Variants in PSTPIP2 observed in about 807,000 individuals in gnomAD.
PSTPIP2 encodes the protein proline-serine-threonine phosphatase interacting protein 2.
A neutral mutation model predicts 63.3 loss-of-function variants in PSTPIP2; 33 were observed. That is an observed-to-expected ratio of 0.52 (90% confidence interval 0.40 to 0.70). The LOEUF is 0.70. PSTPIP2 is among the 30% of genes least tolerant of loss of function. The pLI is 0.00. For missense variants in PSTPIP2, 312 were observed against 400.7 expected (o/e 0.78, Z 1.89); for synonymous variants, 125 against 132.7 (o/e 0.94, Z 0.40).
Position 46,047,972 on chromosome 18 carries a change from G to A in PSTPIP2, c.34-7925C>T, listed in dbSNP as rs185309807. ...AACCTAGAAAATAACACTATGCTAGGCTAAATAAGAGCCCCTAAAGATGTC... is the reference window on the plus strand; with the variant it reads ...AACCTAGAAAATAACACTATGCTAGACTAAATAAGAGCCCCTAAAGATGTC... On this transcript the variant is annotated intron_variant, in intron 1 of 14. Coordinates refer to ENST00000409746, the MANE Select transcript of PSTPIP2 (RefSeq NM_024430.4). 6.6e-5 allele frequency among the ~76,000 whole-genome samples: 10 copies of A among 152,280 alleles called. No homozygotes were observed. In the East Asian group the frequency reaches 1.3e-3, roughly 21 times the overall value.
At chr18:46,055,997 C>T (rs1908742854) in intron 1 of PSTPIP2, among the ~76,000 whole-genome samples, 1 of 152,202 alleles carries the variant, frequency 6.6e-6, no homozygotes, top group Non-Finnish European at 1.5e-5. Context: ...AAGTACCTAA[C>T]TGAACTGCAG....
At chr18:46,016,225 T>C in intron 3 of PSTPIP2, 1 of 348,084 alleles carries the variant, frequency 2.9e-6, no homozygotes, top group Non-Finnish European at 5.4e-6. Context: ...CCTTTTCTCA[T>C]AAGAATACCA....
intron 14 of PSTPIP2, among the ~76,000 whole-genome samples, chr18:45,987,397 T>C (rs561347761): frequency 6.6e-6 from 1 of 152,272 alleles, no homozygotes; most frequent in Admixed American, 6.5e-5. Context: ...CTCTGTTGAC[T>C]TCTGGCATCC....
At chr18:46,010,870 A>G in intron 5 of PSTPIP2, 1 of 245,120 alleles carries the variant, frequency 4.1e-6, no homozygotes, top group Non-Finnish European at 8.0e-6. Flanking sequence ...TCCAGCTGGG[A>G]TGTGCTAGAG....
chr18:46,070,096 C>A (rs919099896), intron 1 of PSTPIP2, among the ~76,000 whole-genome samples: 4 of 152,150 alleles, frequency 2.6e-5, no homozygotes, highest in African/African-American at 9.7e-5. Context: ...GGGGCGGAAG[C>A]AGGCTGCCCA....
At chr18:46,024,523 C>A in intron 3 of PSTPIP2, 86 bp downstream of exon 3, 1 of 1,193,474 alleles carries the variant, frequency 8.4e-7, no homozygotes. Context: ...CATACTTCAA[C>A]CTCCTGGTAA....
chr18:46,024,588 A>G, intron 3 of PSTPIP2, 21 bp downstream of exon 3: 1 of 1,605,068 alleles, frequency 6.2e-7, no homozygotes. Context: ...CCTGGAAACC[A>G]GAAAAAAACT....
intron 1 of PSTPIP2, among the ~76,000 whole-genome samples, chr18:46,043,284 G>C (rs939840460): frequency 1.3e-5 from 2 of 148,520 alleles, no homozygotes; most frequent in Non-Finnish European, 3.0e-5. Flanking sequence ...CCAGCTACTT[G>C]GGAGGCTAAG....
intron 7 of PSTPIP2, 28 bp downstream of exon 7, chr18:45,999,408 T>C: frequency 6.2e-7 from 1 of 1,610,046 alleles, no homozygotes; most frequent in Non-Finnish European, 8.5e-7. Context: ...AGTCTCAGAT[T>C]TTTCGGGTTG....
At chr18:46,009,127 G>A (rs2051764906) in intron 5 of PSTPIP2, among the ~76,000 whole-genome samples, 2 of 152,052 alleles carry the variant, frequency 1.3e-5, no homozygotes, top group South Asian at 2.1e-4. Flanking sequence ...GACCATGTAC[G>A]TCTTGGTCAC....
At chr18:46,017,450 T>A (rs1027417587) in intron 3 of PSTPIP2, among the ~76,000 whole-genome samples, 4 of 152,164 alleles carry the variant, frequency 2.6e-5, no homozygotes, top group Non-Finnish European at 5.9e-5. Context: ...CCATCAATTC[T>A]AGAAAATTGT....
chr18:45,993,931 G>A (rs1568209561), intron 9 of PSTPIP2: 1 of 496,026 alleles, frequency 2.0e-6, no homozygotes, highest in South Asian at 2.1e-5. Context: ...TAGTTCTGAG[G>A]GTAAAAAGTA....
chr18:46,008,817 C>A (rs975969276), intron 5 of PSTPIP2, among the ~76,000 whole-genome samples: 1 of 152,056 alleles, frequency 6.6e-6, no homozygotes, highest in Non-Finnish European at 1.5e-5. Flanking sequence ...GGGGAAGAAA[C>A]CTCATGACCC....
chr18:46,063,968 A>G (rs1239166770), intron 1 of PSTPIP2, among the ~76,000 whole-genome samples: 2 of 152,276 alleles, frequency 1.3e-5, no homozygotes, highest in South Asian at 2.1e-4. Context: ...CTGTTAGTTA[A>G]TGGTTTTTTC....
At chr18:46,006,259 G>A (rs1177947061) in intron 5 of PSTPIP2, among the ~76,000 whole-genome samples, 4 of 151,786 alleles carry the variant, frequency 2.6e-5, no homozygotes, top group Admixed American at 1.3e-4. Flanking sequence ...TCACCTTGTT[G>A]GCCAGGCTGG....
chr18:46,007,265 C>G (rs1012364706), intron 5 of PSTPIP2, among the ~76,000 whole-genome samples: 3 of 152,164 alleles, frequency 2.0e-5, no homozygotes, highest in Admixed American at 1.3e-4. Context: ...CAAATATGAG[C>G]TTTGTGGAGT....
chr18:45,988,375 C>T (rs145691876), intron 14 of PSTPIP2, among the ~76,000 whole-genome samples: 1 of 148,834 alleles, frequency 6.7e-6, no homozygotes, highest in African/African-American at 2.5e-5. Context: ...GTGGAGATTG[C>T]AGTGAGCTGA....
intron 9 of PSTPIP2, among the ~76,000 whole-genome samples, chr18:45,995,081 G>C (rs971574746): frequency 1.3e-5 from 2 of 152,006 alleles, no homozygotes; most frequent in Non-Finnish European, 2.9e-5. Context: ...TTTTTATGGG[G>C]AAGGGGTTGT....
intron 6 of PSTPIP2, among the ~76,000 whole-genome samples, chr18:46,001,768 C>T (rs2051669768): frequency 6.6e-6 from 1 of 151,770 alleles, no homozygotes; most frequent in South Asian, 2.1e-4. Context: ...TTTGTGGGTA[C>T]ATAGTAGGTT....
Sources: gnomAD v4.1 joint callset for allele counts (sites outside exome capture counted in the v4.1 genomes callset) on GRCh38, gnomAD v4.1.1 for gene constraint, MANE v1.5 for transcripts, NCBI Gene and HGNC (gene_info 2026-07-23, HGNC 2026-07-21) for gene names.